The following CA10 variants were observed in gnomAD, a reference collection of about 807,000 sequenced individuals.
CA10 encodes the protein carbonic anhydrase-related protein 10.
A neutral mutation model predicts 44.2 loss-of-function variants in CA10; 14 were observed. The ratio of observed to expected loss-of-function variants is 0.32; its 90% CI spans 0.21 to 0.50. The LOEUF (loss-of-function observed/expected upper bound fraction) is 0.50. Ranked by LOEUF, CA10 falls within the 20% of genes least tolerant of loss-of-function variation. The pLI is 0.99. For missense variants in CA10, 350 were observed against 409.7 expected (o/e 0.85, Z 1.26); for synonymous variants, 159 against 141.6 (o/e 1.12, Z -0.87).
At chr17:52,062,178 A>G (rs1987406682) in intron 2 of CA10, among the ~76,000 whole-genome samples, 1 of 141,504 alleles carries the variant, frequency 7.1e-6, no homozygotes, top group Non-Finnish European at 1.5e-5. Flanking sequence ...AGTGATTCTT[A>G]TGCCCCAGCC....
At chr17:51,949,343 G>T (rs1276843970) in intron 2 of CA10, among the ~76,000 whole-genome samples, 1 of 152,096 alleles carries the variant, frequency 6.6e-6, no homozygotes, top group Non-Finnish European at 1.5e-5. Flanking sequence ...CAGCTGGGAA[G>T]AAGAATTAGT....
intron 2 of CA10, among the ~76,000 whole-genome samples, chr17:52,005,267 C>A (rs961749899): frequency 7.9e-5 from 12 of 151,914 alleles, no homozygotes; most frequent in African/African-American, 2.9e-4. Context: ...CAAATAAACA[C>A]AACACCCCAT....
At chr17:52,057,586 T>G (rs1411664176) in intron 2 of CA10, among the ~76,000 whole-genome samples, 3 of 152,030 alleles carry the variant, frequency 2.0e-5, no homozygotes, top group Non-Finnish European at 4.4e-5. Context: ...AAGTTATACA[T>G]GGATTTTTGG....
intron 4 of CA10, among the ~76,000 whole-genome samples, chr17:51,685,924 A>T (rs920658612): frequency 1.3e-5 from 2 of 152,208 alleles, no homozygotes; most frequent in Admixed American, 6.5e-5. Context: ...TTGCTGCTTA[A>T]GCTCCTTGCC....
At position 52,127,905 on chromosome 17, in the gene CA10, AACTACCGTTGATTAACTGAC is replaced by A. The variant is rs565901280; in HGVS notation, c.61+29801_61+29820del. On this transcript the variant is annotated intron_variant, in intron 1 of 8. Coordinates refer to ENST00000451037, the MANE Select transcript of CA10 (RefSeq NM_020178.5). ...AAAATCGTTCTTTGGAATTAATAAC[AACTACCGTTGATTAACTGAC>A]ACACACTTTGGATGTACTATCTCAA... 2.2e-3 allele frequency among the ~76,000 whole-genome samples: 330 copies of A among 152,348 alleles called. 1 individual carries two copies. Among genetic ancestry groups the A allele is most frequent in the African/African-American group, 7.5e-3 (311 of 41,590 alleles).
intron 3 of CA10, among the ~76,000 whole-genome samples, chr17:51,906,683 G>T (rs1981569127): frequency 6.6e-6 from 1 of 151,982 alleles, no homozygotes; most frequent in South Asian, 2.1e-4. Context: ...TGTTTAAAAG[G>T]CACCTCAAAC....
At chr17:51,773,277 AG>A (rs1437596525) in intron 3 of CA10, among the ~76,000 whole-genome samples, 2 of 152,218 alleles carry the variant, frequency 1.3e-5, no homozygotes, top group Non-Finnish European at 2.9e-5. Context: ...GACTGACTCA[AG>A]TATGGATCCT....
At chr17:52,148,193 T>C (rs1989629305) in intron 1 of CA10, among the ~76,000 whole-genome samples, 1 of 152,190 alleles carries the variant, frequency 6.6e-6, no homozygotes, top group African/African-American at 2.4e-5. Context: ...CTATTCTCCC[T>C]AAAGCACTCT....
intron 3 of CA10, among the ~76,000 whole-genome samples, chr17:51,860,846 T>C (rs1321707531): frequency 6.6e-6 from 1 of 152,056 alleles, no homozygotes; most frequent in Non-Finnish European, 1.5e-5. Context: ...TACACTAAGA[T>C]TTGGGGAAGC....
At chr17:51,679,752 T>G (rs564744269) in intron 4 of CA10, among the ~76,000 whole-genome samples, 1 of 151,944 alleles carries the variant, frequency 6.6e-6, no homozygotes, top group Admixed American at 6.6e-5. Flanking sequence ...GGGGCTAGAG[T>G]GTGATAACCA....
intron 2 of CA10, among the ~76,000 whole-genome samples, chr17:51,977,227 GA>G (rs958043258): frequency 6.6e-6 from 1 of 151,392 alleles, no homozygotes; most frequent in South Asian, 2.1e-4. Flanking sequence ...AGACAAAGGG[GA>G]AAAAAACCCC....
chr17:52,122,016 G>A (rs948446122), intron 1 of CA10, among the ~76,000 whole-genome samples: 2 of 152,112 alleles, frequency 1.3e-5, no homozygotes, highest in African/African-American at 2.4e-5. Context: ...GCCTTTCATC[G>A]TGTAGCAAAT....
intron 2 of CA10, among the ~76,000 whole-genome samples, chr17:51,993,338 C>A (rs377302936): frequency 6.6e-6 from 1 of 152,248 alleles, no homozygotes; most frequent in South Asian, 2.1e-4. Flanking sequence ...GGATTAACAT[C>A]TACTGTTGTC....
chr17:51,747,088 G>T (rs1255736398), intron 4 of CA10, among the ~76,000 whole-genome samples: 1 of 152,166 alleles, frequency 6.6e-6, no homozygotes, highest in East Asian at 1.9e-4. Context: ...ACTGTGGTTG[G>T]GCTCTCTGCT....
intron 4 of CA10, among the ~76,000 whole-genome samples, chr17:51,666,228 C>T (rs1246170451): frequency 6.6e-6 from 1 of 152,172 alleles, no homozygotes; most frequent in Non-Finnish European, 1.5e-5. Context: ...TGCAAGTGTC[C>T]TGTAGCATCA....
chr17:51,955,292 T>C (rs1270414907), intron 2 of CA10, among the ~76,000 whole-genome samples: 2 of 152,122 alleles, frequency 1.3e-5, no homozygotes, highest in African/African-American at 2.4e-5. Context: ...ATCTCTACCA[T>C]CCTTCAGAAT....
intron 4 of CA10, among the ~76,000 whole-genome samples, chr17:51,723,887 A>G (rs1189311590): frequency 2.0e-5 from 3 of 152,200 alleles, no homozygotes; most frequent in African/African-American, 7.2e-5. Flanking sequence ...CACTGCAGCC[A>G]GCCAGCCCAT....
At chr17:51,889,567 TA>T in intron 3 of CA10, among the ~76,000 whole-genome samples, 1 of 151,312 alleles carries the variant, frequency 6.6e-6, no homozygotes, top group Non-Finnish European at 1.5e-5. Flanking sequence ...CAAAACAAAA[TA>T]AAATAAAAAA....
At chr17:51,814,316 AGGT>A (rs1235847863) in intron 3 of CA10, among the ~76,000 whole-genome samples, 1 of 152,216 alleles carries the variant, frequency 6.6e-6, no homozygotes, top group African/African-American at 2.4e-5. Flanking sequence ...CAGCTCTGGA[AGGT>A]CGCTAAGGCA....
Sources: gnomAD v4.1 joint callset for allele counts (sites outside exome capture counted in the v4.1 genomes callset) on GRCh38, gnomAD v4.1.1 for gene constraint, MANE v1.5 for transcripts, NCBI Gene and HGNC (gene_info 2026-07-23, HGNC 2026-07-21) for gene names.